TBCD: variants seen among roughly 807,000 people sequenced by gnomAD.
TBCD encodes tubulin folding cofactor D, also known as tubulin-specific chaperone D.
Under a neutral mutation model 169.3 loss-of-function variants are expected in TBCD, and 105 were observed. The observed-to-expected ratio is 0.62, with a 90% CI of 0.53 to 0.73. The LOEUF (loss-of-function observed/expected upper bound fraction) is 0.73, where lower values mean the gene tolerates loss of function less well. Ranked by LOEUF, TBCD falls within the 30% of genes least tolerant of loss-of-function variation. The pLI is 0.00. For missense variants in TBCD, 1,444 were observed against 1,600.1 expected, an observed-to-expected ratio of 0.90 and a Z score of 1.66; for synonymous variants, 700 against 643.9, an observed-to-expected ratio of 1.09 and a Z score of -1.32.
rs890297746 is a variant in TBCD at position 82,768,671 on chromosome 17, T to G, written c.582+105T>G. On this transcript the variant is annotated intron_variant, in intron 5 of 38. Transcript: ENST00000355528. Reference sequence around the variant, plus strand: ...GGTAAGCTTCTGATATGTATTCAACTGCTGTTTTTTTCAGTGGGGTAAAAT... The same window carrying G: ...GGTAAGCTTCTGATATGTATTCAACGGCTGTTTTTTTCAGTGGGGTAAAAT... 2.3e-6 allele frequency: 3 copies of G among 1,278,336 alleles called. No individual in the cohort carries two copies. In the African/African-American group the frequency reaches 4.5e-5, roughly 19 times the overall value. 79.2% of individuals were successfully genotyped at this position (1,278,336 alleles called of 1,614,324 possible). A position where few individuals can be genotyped will look rare whatever the true frequency, so the allele number is the denominator to read the frequency against.
At position 82,815,087 on chromosome 17, in the gene TBCD, G is replaced by A. The variant is rs560208202; in HGVS notation, c.1318+153G>A. ...TGTCCGTGGCAGGCTGCAGCCCTTC[G>A]TCTGAACCCATCTCCGCGGTGTGGC... On this transcript the variant is annotated intron_variant, in intron 13 of 38. Coordinates refer to ENST00000355528, the MANE Select transcript of TBCD (RefSeq NM_005993.5). Among the ~76,000 whole-genome samples, 7 of 152,316 alleles carry A rather than the reference G, an allele frequency of 4.6e-5. No individual in the cohort carries two copies. The East Asian group carries it at 9.7e-4, about 21-fold the overall frequency.
At position 82,789,250 on chromosome 17, in the gene TBCD, A is replaced by G. The variant is rs1429516562; in HGVS notation, c.771+7529A>G. On this transcript the variant is annotated intron_variant, in intron 7 of 38. Coordinates refer to ENST00000355528, the MANE Select transcript of TBCD (RefSeq NM_005993.5). This position sits in a 1 kb window ranked among gnomAD's most constrained non-coding sequence, Gnocchi z 4.8. ...CAGCTCCTAACACTCATTTCCCATC[A>G]CTCAGCATTTTATGTGGGGCGGGCA... Among the ~76,000 whole-genome samples the G allele has an allele frequency of 6.6e-6, 1 of 152,156 alleles. No homozygotes were observed. Among genetic ancestry groups the G allele is most frequent in the African/African-American group, 2.4e-5 (1 of 41,426 alleles).
chr17:82,775,392 G>A (rs2048535598), intron 6 of TBCD, among the ~76,000 whole-genome samples: 1 of 152,200 alleles, frequency 6.6e-6, no homozygotes, highest in Admixed American at 6.5e-5. Flanking sequence ...CAGACTCACC[G>A]CAGGTTCTGA....
At chr17:82,838,020 A>C (rs150663492) in intron 13 of TBCD, among the ~76,000 whole-genome samples, 1 of 152,280 alleles carries the variant, frequency 6.6e-6, no homozygotes, top group East Asian at 1.9e-4. Context: ...AAATATTTTA[A>C]ATGTTGTGTG....
intron 13 of TBCD, chr17:82,830,963 C>G (rs957646999): frequency 6.2e-7 from 1 of 1,613,302 alleles, no homozygotes. Context: ...AAGCCTGGCT[C>G]ATGGAACCCA....
At chr17:82,914,088 A>G (rs2146999680) in intron 23 of TBCD, 1 of 152,534 alleles carries the variant, frequency 6.6e-6, no homozygotes, top group East Asian at 1.9e-4. Context: ...CTCACCCACC[A>G]CACCCACTGC....
chr17:82,777,346 G>C (rs925128868), intron 6 of TBCD, among the ~76,000 whole-genome samples: 1 of 152,218 alleles, frequency 6.6e-6, no homozygotes, highest in Non-Finnish European at 1.5e-5. Context: ...GTGTGGAGAT[G>C]AGAGAGTGTA....
In TBCD at chr17:82,782,909, C is replaced by T. The variant is rs1311048946; in HGVS notation, c.771+1188C>T. 3.3e-5 allele frequency among the ~76,000 whole-genome samples: 5 copies of T among 151,310 alleles called. No individual in the cohort carries two copies. The South Asian group carries it at 1.1e-3, about 32-fold the overall frequency. On this transcript the variant is annotated intron_variant, in intron 7 of 38. Coordinates refer to ENST00000355528, the MANE Select transcript of TBCD (RefSeq NM_005993.5). The surrounding 1 kb of genome is among the most constrained non-coding windows in gnomAD (Gnocchi z 5.1). ...GTCCATGGCGTTGTCTTCCTGTCTG[C>T]GGTGTCGTCTTCCTGTCCATGGCGG...
Position 82,930,335 on chromosome 17 carries a change from C to G in TBCD, c.2992-187C>G. The G allele has an allele frequency of 1.3e-6, 1 of 749,584 alleles. No individual in the cohort carries two copies. 46.4% of individuals were successfully genotyped at this position (749,584 alleles called of 1,614,324 possible). A position where few individuals can be genotyped will look rare whatever the true frequency, so the allele number is the denominator to read the frequency against. On this transcript the variant is annotated intron_variant, in intron 32 of 38. Coordinates refer to ENST00000355528, the MANE Select transcript of TBCD (RefSeq NM_005993.5). The surrounding 1 kb of genome is among the most constrained non-coding windows in gnomAD (Gnocchi z 5.2). ...GCCGTTGCCGAGAGCCTTGTGTCTG[C>G]TTCGGGTGTCTGCACTGTGAGTGGC...
chr17:82,888,991 C>T (rs963090830), intron 15 of TBCD, among the ~76,000 whole-genome samples: 2 of 152,122 alleles, frequency 1.3e-5, no homozygotes, highest in African/African-American at 2.4e-5. Context: ...ACTCGGAGCC[C>T]GGGTGCTTTT....
intron 34 of TBCD, among the ~76,000 whole-genome samples, chr17:82,936,331 G>A (rs1048661975): frequency 2.0e-5 from 3 of 152,104 alleles, no homozygotes; most frequent in Admixed American, 1.3e-4. Context: ...TTTTTGTCTC[G>A]CGTGTTTCCA....
At chr17:82,863,963 A>G (rs898883616) in intron 13 of TBCD, among the ~76,000 whole-genome samples, 10 of 152,342 alleles carry the variant, frequency 6.6e-5, no homozygotes, top group East Asian at 1.9e-4. Flanking sequence ...GCAGTCAGTG[A>G]CAGCTGAGTA....
At chr17:82,941,684 C>A in intron 38 of TBCD, 1 of 571,286 alleles carries the variant, frequency 1.8e-6, no homozygotes, top group Non-Finnish European at 3.1e-6. Flanking sequence ...CCTGTGGCAT[C>A]CAGGCCACTT....
intron 2 of TBCD, among the ~76,000 whole-genome samples, chr17:82,758,941 T>C (rs1446234354): frequency 1.3e-5 from 2 of 152,040 alleles, no homozygotes; most frequent in Non-Finnish European, 2.9e-5. Flanking sequence ...GGATTACAGG[T>C]GTGAGCCATT....
intron 13 of TBCD, among the ~76,000 whole-genome samples, chr17:82,855,341 T>G (rs1295341138): frequency 6.8e-6 from 1 of 146,414 alleles, no homozygotes; most frequent in African/African-American, 2.5e-5. Flanking sequence ...CGCGGCTCAC[T>G]GCAGTCTTGG....
intron 7 of TBCD, among the ~76,000 whole-genome samples, chr17:82,786,544 T>C (rs376713817): frequency 2.0e-5 from 3 of 152,204 alleles, no homozygotes; most frequent in Non-Finnish European, 4.4e-5. Flanking sequence ...CCCCACCCCA[T>C]GCTGTTGGGT....
Position 82,909,159 on chromosome 17 carries a change from C to T in TBCD, c.1984-126C>T, listed in dbSNP as rs2060444337. The T allele has an allele frequency of 1.3e-5, 9 of 717,562 alleles. No homozygotes were observed. The South Asian group carries it at 1.5e-4, about 12-fold the overall frequency. The allele number at this position is 717,562 out of a possible 1,614,324, so 44.4% of individuals were successfully genotyped here. On this transcript the variant is annotated intron_variant, in intron 21 of 38. Coordinates refer to ENST00000355528, the MANE Select transcript of TBCD (RefSeq NM_005993.5). ...GGGCCTCCGTCCTCAGCCCCCTAGG[C>T]GGCTCTCCTGGCTGGCATGGCATCT...
chr17:82,870,475 G>C, intron 14 of TBCD, 95 bp downstream of exon 14: 1 of 1,429,804 alleles, frequency 7.0e-7, no homozygotes, highest in Non-Finnish European at 9.3e-7. Context: ...GCAGATGCTC[G>C]TGAAAAGGTG....
chr17:82,867,309 G>A (rs907085141), intron 13 of TBCD, among the ~76,000 whole-genome samples: 1 of 152,222 alleles, frequency 6.6e-6, no homozygotes, highest in Non-Finnish European at 1.5e-5. Flanking sequence ...GCGGTTGTCT[G>A]TTGGGAGTCG....
Sources: gnomAD v4.1 joint callset for allele counts (sites outside exome capture counted in the v4.1 genomes callset) on GRCh38, gnomAD v4.1.1 for gene constraint, Gnocchi (gnomAD v3.1) non-coding constraint, MANE v1.5 for transcripts, NCBI Gene and HGNC (gene_info 2026-07-23, HGNC 2026-07-21) for gene names.